AKAP7: variants seen among roughly 807,000 people sequenced by gnomAD.
AKAP7 encodes A kinase (PRKA) anchor protein 7.
AKAP7 carries 39 observed loss-of-function variants against 39.5 expected under a neutral mutation model. The ratio of observed to expected loss-of-function variants is 0.99; its 90% CI spans 0.76 to 1.29. AKAP7 has a LOEUF of 1.29. Among genes scored for constraint, AKAP7 ranks in the 50% most tolerant of loss-of-function variants. AKAP7 has a pLI of 0.00. For missense variants in AKAP7, 414 were observed against 407.7 expected, an observed-to-expected ratio of 1.02 and a Z score of -0.13; for synonymous variants, 140 against 139.1, an observed-to-expected ratio of 1.01 and a Z score of -0.05.
At chr6:131,128,256 TAA>T in the AKAP7 span, among the ~76,000 whole-genome samples, 3 of 152,242 alleles carry the variant, frequency 2.0e-5, no homozygotes, top group Non-Finnish European at 4.4e-5. Flanking sequence ...AAGCTTTTTA[TAA>T]AGAGAGGTGT....
Position 131,219,808 on chromosome 6 carries a change from G to A in AKAP7, c.850G>A (p.Gly284Ser), listed in dbSNP as rs201234046. 2.0e-5 allele frequency: 30 copies of A among 1,496,146 alleles called. No individual in the cohort carries two copies. The highest frequency in any genetic ancestry group is 5.0e-5 in the Admixed American group (2 of 39,696). The allele number at this position is 1,496,146 out of a possible 1,614,324, so 92.7% of individuals were successfully genotyped here. Reference protein sequence around the residue: ...YYHCESSIVIGEKNGGEPDDA... With the variant: ...YYHCESSIVISEKNGGEPDDA... ...TCACTGTGAATCTTCCATTGTGATT[G>A]GTGAGTGTCATTTAAAAATTATTTA... Residue 284 changes from glycine (G) to serine (S), a missense_variant and splice_region_variant, in exon 7 of 8, where the codon GGT (glycine) becomes AGT (serine). Gly to Ser is a moderately conservative substitution (Grantham distance 56). Transcript: ENST00000431975.
chr6:131,260,164 A>G (rs760922689), intron 7 of AKAP7, among the ~76,000 whole-genome samples: 5 of 152,060 alleles, frequency 3.3e-5, no homozygotes, highest in Non-Finnish European at 7.3e-5. Context: ...ATAGTATTCC[A>G]TGGTGTATAT....
chr6:131,228,651 A>C (rs150367208), intron 7 of AKAP7, among the ~76,000 whole-genome samples: 40 of 152,050 alleles, frequency 2.6e-4, no homozygotes, highest in African/African-American at 9.4e-4. Flanking sequence ...CTGGGTTTTA[A>C]ATTCTTTTAA....
Position 131,218,561 on chromosome 6 carries a change from T to C in AKAP7, c.703-1100T>C, listed in dbSNP as rs114822960. On this transcript the variant is annotated intron_variant, in intron 6 of 7. Coordinates refer to ENST00000431975, the MANE Select transcript of AKAP7 (RefSeq NM_016377.4). ...TAGTTTTCTAAATAAGTTTTTGTCA[T>C]TGAAAAGAGAAAATATATATTCTAG... is the stretch of plus-strand genomic sequence containing the variant. Among the ~76,000 whole-genome samples, 1,039 of 152,310 alleles carry C rather than the reference T, an allele frequency of 6.8e-3. 17 individuals carry two copies. Among genetic ancestry groups the C allele is most frequent in the African/African-American group, 0.024 (985 of 41,538 alleles).
intron 6 of AKAP7, among the ~76,000 whole-genome samples, chr6:131,207,633 C>A (rs1200366114): frequency 2.6e-5 from 4 of 151,574 alleles, no homozygotes; most frequent in Non-Finnish European, 4.4e-5. Context: ...CTGCACCCAG[C>A]CACATACTAC....
intron 7 of AKAP7, among the ~76,000 whole-genome samples, chr6:131,267,105 T>C (rs1191040133): frequency 2.0e-5 from 3 of 152,220 alleles, no homozygotes; most frequent in African/African-American, 4.8e-5. Context: ...GAGTTAAAGA[T>C]TGCAGAGCTA....
chr6:131,166,464 A>G (rs1803509323), intron 4 of AKAP7, among the ~76,000 whole-genome samples: 1 of 152,220 alleles, frequency 6.6e-6, no homozygotes, highest in Non-Finnish European at 1.5e-5. Flanking sequence ...AGACATGTAT[A>G]TCTTTATGTA....
intron 2 of AKAP7, among the ~76,000 whole-genome samples, chr6:131,151,521 G>C (rs994555262): frequency 7.3e-5 from 11 of 151,206 alleles, no homozygotes; most frequent in African/African-American, 2.7e-4. Flanking sequence ...GAGGCGGGTG[G>C]ATCACCTGAG....
Position 131,282,349 on chromosome 6 carries a change from T to A in AKAP7, c.*623T>A. On this transcript the variant is annotated 3_prime_UTR_variant, in exon 8 of 8. Coordinates refer to ENST00000431975, the MANE Select transcript of AKAP7 (RefSeq NM_016377.4). The stretch of plus-strand genomic sequence containing the variant: ...TTTTTTAAAATCCTATTTTGATAAG[T>A]CAGTATGCCATATTTAATGAAATGT... The A allele has an allele frequency of 7.1e-7, 1 of 1,399,068 alleles. No homozygotes were observed. Among genetic ancestry groups the A allele is most frequent in the Non-Finnish European group, 9.3e-7 (1 of 1,076,836 alleles). 86.7% of individuals were successfully genotyped at this position (1,399,068 alleles called of 1,614,324 possible).
Position 131,282,398 on chromosome 6 carries a change from G to T in AKAP7, c.*672G>T. 2.1e-6 allele frequency: 3 copies of T among 1,461,948 alleles called. No homozygotes were observed. Among genetic ancestry groups the T allele is most frequent in the Non-Finnish European group, 1.8e-6 (2 of 1,109,396 alleles). 90.6% of individuals were successfully genotyped at this position (1,461,948 alleles called of 1,614,324 possible). A position where few individuals can be genotyped will look rare whatever the true frequency, so the allele number is the denominator to read the frequency against. On this transcript the variant is annotated 3_prime_UTR_variant, in exon 8 of 8. Coordinates refer to ENST00000431975, the MANE Select transcript of AKAP7 (RefSeq NM_016377.4). ...GTTATTATATAATTTTTTTTTCTTA[G>T]GCAAGAAACCTATTGGAATTCGAGA...
intron 1 of AKAP7, among the ~76,000 whole-genome samples, chr6:131,140,367 C>T (rs913088686): frequency 6.6e-6 from 1 of 152,124 alleles, no homozygotes; most frequent in Non-Finnish European, 1.5e-5. Context: ...GAATGAAGTC[C>T]ATAGCACTTG....
chr6:131,131,241 A>C (rs1221823216), upstream of AKAP7, among the ~76,000 whole-genome samples: 1 of 152,284 alleles, frequency 6.6e-6, no homozygotes, highest in East Asian at 1.9e-4. Flanking sequence ...CCCATCTCAA[A>C]CTTATGACCA....
intron 5 of AKAP7, among the ~76,000 whole-genome samples, chr6:131,192,839 A>G (rs979335221): frequency 1.3e-5 from 2 of 151,774 alleles, no homozygotes; most frequent in African/African-American, 4.8e-5. Context: ...TTTGTTTGTG[A>G]CTGTTGTAAG....
At chr6:131,190,715 A>C (rs186463403) in intron 5 of AKAP7, among the ~76,000 whole-genome samples, 3 of 152,296 alleles carry the variant, frequency 2.0e-5, no homozygotes, top group Admixed American at 6.5e-5. Flanking sequence ...TGTTATAGCA[A>C]ATAAGATAAT....
intron 7 of AKAP7, among the ~76,000 whole-genome samples, chr6:131,251,564 C>G (rs1392801624): frequency 8.5e-6 from 1 of 118,080 alleles, no homozygotes; most frequent in Non-Finnish European, 1.9e-5. Flanking sequence ...TAGCCAGGGA[C>G]TGTTAAAAAA....
intron 5 of AKAP7, 52 bp from the exon 6 acceptor site, chr6:131,199,409 A>C (rs1807293914): frequency 8.0e-7 from 1 of 1,250,798 alleles, no homozygotes; most frequent in Non-Finnish European, 1.1e-6. Flanking sequence ...ACAGTTAAAA[A>C]GAACTGAAAA....
In AKAP7 at chr6:131,160,103, G is replaced by A. The variant is rs748836435; in HGVS notation, c.196G>A (p.Glu66Lys). Reference protein sequence around the residue: ...QINLKRSQENEWVKSDQVKKR... With the variant: ...QINLKRSQENKWVKSDQVKKR... ...AAATTTGAAGAGAAGTCAAGAAAAT[G>A]AATGGGTCAAGAGTGATCAAGTAAA... Residue 66 changes from glutamate to lysine, a missense_variant, in exon 3 of 8, where the codon GAA becomes AAA. Coordinates refer to ENST00000431975, the MANE Select transcript of AKAP7 (RefSeq NM_016377.4). 29 of 1,596,880 alleles carry A rather than the reference G, an allele frequency of 1.8e-5. No individual in the cohort carries two copies. In the East Asian group the frequency reaches 6.5e-4, roughly 36 times the overall value.
intron 7 of AKAP7, among the ~76,000 whole-genome samples, chr6:131,273,722 C>A (rs149612464): frequency 1.9e-4 from 29 of 152,234 alleles, no homozygotes; most frequent in African/African-American, 7.0e-4. Flanking sequence ...TTTTTACTTA[C>A]GTATGTACAG....
In AKAP7 at chr6:131,212,521, C is replaced by T. The variant is rs147225167; in HGVS notation, c.703-7140C>T. On this transcript the variant is annotated intron_variant, in intron 6 of 7. Coordinates refer to ENST00000431975, the MANE Select transcript of AKAP7 (RefSeq NM_016377.4). Reference sequence around the variant, plus strand: ...GTGAAAGGCTTGTATCATTGAGCACCTTTCTTCCTTGTTCCATTTCCTAAG... The same window carrying T: ...GTGAAAGGCTTGTATCATTGAGCACTTTTCTTCCTTGTTCCATTTCCTAAG... Among the ~76,000 whole-genome samples the T allele has an allele frequency of 2.1e-4, 32 of 152,292 alleles. No homozygotes were observed. In the East Asian group the frequency reaches 5.6e-3, roughly 27 times the overall value.
Sources: gnomAD v4.1 joint callset for allele counts (sites outside exome capture counted in the v4.1 genomes callset) on GRCh38, gnomAD v4.1.1 for gene constraint, MANE v1.5 for transcripts, NCBI Gene and HGNC (gene_info 2026-07-23, HGNC 2026-07-21) for gene names.